SIM2: variants seen among roughly 807,000 people sequenced by gnomAD.
The protein encoded by SIM2 is SIM bHLH transcription factor 2.
In SIM2, 28 loss-of-function variants were observed where a neutral mutation model predicts 64.8. That is an observed-to-expected ratio of 0.43 (90% CI 0.32 to 0.59). The LOEUF (loss-of-function observed/expected upper bound fraction) is 0.59. Ranked by LOEUF, SIM2 falls within the 20% of genes least tolerant of loss-of-function variation. The pLI is 0.07. For synonymous variants in SIM2, 408 were observed against 391.1 expected (o/e 1.04, Z -0.51); for missense variants, 847 against 871.4 (o/e 0.97, Z 0.35).
chr21:36,712,500 T>C (rs1210240864), intron 2 of SIM2, 33 bp from the exon 3 acceptor site: 1 of 1,405,766 alleles, frequency 7.1e-7, no homozygotes, highest in East Asian at 2.3e-5. Flanking sequence ...TGTAGAATGA[T>C]CATCTCTTAT....
intron 6 of SIM2, 56 bp from the exon 7 acceptor site, chr21:36,730,989 A>T: frequency 7.8e-7 from 1 of 1,275,400 alleles, no homozygotes. Flanking sequence ...ATATTAGTTT[A>T]AATGAAAGGC....
chr21:36,726,284 A>G lies in SIM2; in HGVS notation c.709A>G (p.Ser237Gly). 1 of 1,613,578 alleles carries G rather than the reference A, an allele frequency of 6.2e-7. No homozygotes were observed. The highest frequency in any genetic ancestry group is 8.5e-7 in the Non-Finnish European group (1 of 1,179,994). ...LYSNMFMFRA[S>G]LDLKLIFLDS... is the part of the protein sequence containing the mutation. ...CAGTAACATGTTCATGTTCAGGGCC[A>G]GCCTTGACCTGAAGCTGATATTCCT... The change falls in exon 6 of 11, where the codon AGC becomes GGC. Residue 237 changes from serine to glycine, a missense_variant. Physicochemically the swap from Ser to Gly is moderately conservative, Grantham distance 56. Around this residue, in one of 3 missense-constraint regions of SIM2, gnomAD observed 397 missense variants for 439.2 expected, o/e 0.90. Transcript: ENST00000290399. The surrounding 1 kb of genome is among the most constrained non-coding windows in gnomAD (Gnocchi z 4.5).
chr21:36,739,746 G>A (rs761816294), intron 7 of SIM2, among the ~76,000 whole-genome samples: 1 of 152,070 alleles, frequency 6.6e-6, no homozygotes, highest in African/African-American at 2.4e-5. Flanking sequence ...TGGGCCAGGC[G>A]CCGTGGCTCA....
intron 7 of SIM2, among the ~76,000 whole-genome samples, chr21:36,736,206 G>A (rs1016027985): frequency 3.3e-5 from 5 of 152,172 alleles, no homozygotes; most frequent in African/African-American, 1.2e-4. Flanking sequence ...AGACGCATCT[G>A]TCGTGGGCAG....
At chr21:36,717,639 A>T (rs1481860588) in intron 3 of SIM2, among the ~76,000 whole-genome samples, 1 of 151,604 alleles carries the variant, frequency 6.6e-6, no homozygotes, top group Non-Finnish European at 1.5e-5. Flanking sequence ...GTATGACATG[A>T]TTTCACCACG....
intron 5 of SIM2, among the ~76,000 whole-genome samples, chr21:36,724,467 A>G (rs963689756): frequency 6.6e-6 from 1 of 152,062 alleles, no homozygotes; most frequent in Non-Finnish European, 1.5e-5. Context: ...TTTTGTGGAG[A>G]TGGGGTCTTG....
At chr21:36,709,728 C>T (rs1793761189) in intron 2 of SIM2, 2 of 310,960 alleles carry the variant, frequency 6.4e-6, no homozygotes, top group Non-Finnish European at 1.2e-5. Context: ...GAGCACTTGT[C>T]CAGAGCTTAC....
intron 2 of SIM2, chr21:36,709,496 G>A: frequency 3.0e-6 from 2 of 659,554 alleles, no homozygotes; most frequent in Non-Finnish European, 5.6e-6. Flanking sequence ...GGACTCCCCA[G>A]GCCACCTGAG....
intron 3 of SIM2, among the ~76,000 whole-genome samples, chr21:36,713,280 A>G (rs1030605863): frequency 6.6e-6 from 1 of 152,230 alleles, no homozygotes; most frequent in Non-Finnish European, 1.5e-5. Context: ...CTTCTTAAAA[A>G]AGTCCACCGT....
In SIM2 at chr21:36,745,915, G is replaced by A; in HGVS notation, c.1576+779G>A. On this transcript the variant is annotated intron_variant, in intron 10 of 10. Transcript: ENST00000290399. This position sits in a 1 kb window ranked among gnomAD's most constrained non-coding sequence, Gnocchi z 4.8. ...GGTGGGAACAGAGGTTTAGCTGCAG[G>A]ACATGTATTCCCATTGCACCGAGAC... The A allele has an allele frequency of 2.3e-6, 3 of 1,282,438 alleles. No homozygotes were observed. The highest frequency in any genetic ancestry group is 3.1e-6 in the Non-Finnish European group (3 of 974,846). 79.4% of individuals were successfully genotyped at this position (1,282,438 alleles called of 1,614,324 possible). A position where few individuals can be genotyped will look rare whatever the true frequency, so the allele number is the denominator to read the frequency against.
At chr21:36,733,118 T>C (rs1235733015) in intron 7 of SIM2, among the ~76,000 whole-genome samples, 1 of 152,126 alleles carries the variant, frequency 6.6e-6, no homozygotes, top group East Asian at 1.9e-4. Flanking sequence ...GCTGGGGAGT[T>C]TAAAGCATAC....
chr21:36,699,524 C>G lies in SIM2; in HGVS notation c.-223C>G. 2.7e-6 allele frequency: 1 copy of G among 365,590 alleles called. No homozygotes were observed. The highest frequency in any genetic ancestry group is 4.9e-6 in the Non-Finnish European group (1 of 205,988). 22.6% of individuals were successfully genotyped at this position (365,590 alleles called of 1,614,324 possible). ...GTCCAGCCCGGAGGAGGCTGCGCTC[C>G]GGGCAGCGGCGGGCGGCGCCGCCGG... On this transcript the variant is annotated 5_prime_UTR_variant, in exon 1 of 11. Transcript: ENST00000290399. The surrounding 1 kb of genome is among the most constrained non-coding windows in gnomAD (Gnocchi z 5.6).
intron 1 of SIM2, among the ~76,000 whole-genome samples, chr21:36,706,178 G>A (rs1161719893): frequency 6.6e-6 from 1 of 152,232 alleles, no homozygotes. Context: ...AGGAACGGCA[G>A]GCAGGGTGTG....
intron 1 of SIM2, among the ~76,000 whole-genome samples, chr21:36,703,469 C>T (rs981913765): frequency 1.3e-5 from 2 of 152,176 alleles, no homozygotes; most frequent in African/African-American, 4.8e-5. Flanking sequence ...CCATTCACCC[C>T]TTCCTGTGAG....
At chr21:36,720,029 G>GC in intron 4 of SIM2, 100 bp downstream of exon 4, 1 of 843,654 alleles carries the variant, frequency 1.2e-6, no homozygotes, top group Non-Finnish European at 2.0e-6. Flanking sequence ...AAGTGGCTGG[G>GC]CATGACTAGG....
intron 1 of SIM2, among the ~76,000 whole-genome samples, chr21:36,708,213 G>A (rs889472179): frequency 6.6e-6 from 1 of 152,202 alleles, no homozygotes; most frequent in Non-Finnish European, 1.5e-5. Context: ...AGGGCTCGGG[G>A]GTTGTCCCAG....
chr21:36,714,855 G>A (rs891532755), intron 3 of SIM2, among the ~76,000 whole-genome samples: 4 of 152,150 alleles, frequency 2.6e-5, no homozygotes, highest in African/African-American at 4.8e-5. Flanking sequence ...GTTCGTGATC[G>A]GCTCCACGGA....
intron 1 of SIM2, among the ~76,000 whole-genome samples, chr21:36,700,791 T>C (rs2088481641): frequency 6.6e-6 from 1 of 151,840 alleles, no homozygotes; most frequent in Non-Finnish European, 1.5e-5. Context: ...AAGAGAGGGG[T>C]CCGATTAATT....
chr21:36,713,519 T>A (rs1247439649), intron 3 of SIM2, among the ~76,000 whole-genome samples: 2 of 152,132 alleles, frequency 1.3e-5, no homozygotes, highest in African/African-American at 4.8e-5. Flanking sequence ...ACTATCAGAG[T>A]GATTTTTCAC....
Sources: gnomAD v4.1 joint callset for allele counts (sites outside exome capture counted in the v4.1 genomes callset) on GRCh38, gnomAD v4.1.1 for gene constraint, gnomAD v4.1.1 regional missense constraint, Gnocchi (gnomAD v3.1) non-coding constraint, MANE v1.5 for transcripts, NCBI Gene and HGNC (gene_info 2026-07-23, HGNC 2026-07-21) for gene names.